The following PTPRD variants were observed in gnomAD, a reference collection of about 807,000 sequenced individuals.
PTPRD encodes protein tyrosine phosphatase receptor type D, also known as receptor-type tyrosine-protein phosphatase delta.
Under a neutral mutation model 214.5 loss-of-function variants are expected in PTPRD, and 34 were observed. The observed-to-expected ratio is 0.16, with a 90% CI of 0.12 to 0.21. The LOEUF is 0.21. Ranked by LOEUF, PTPRD falls within the 10% of genes least tolerant of loss-of-function variation. PTPRD has a pLI of 1.00. For missense variants in PTPRD, 2,545 were observed against 2,398.7 expected, an observed-to-expected ratio of 1.06 and a Z score of -1.27; for synonymous variants, 1,128 against 845.7, an observed-to-expected ratio of 1.33 and a Z score of -5.79.
chr9:9,775,568 T>G (rs929689735), intron 5 of PTPRD, among the ~76,000 whole-genome samples: 2 of 152,230 alleles, frequency 1.3e-5, no homozygotes, highest in African/African-American at 4.8e-5. Flanking sequence ...ATTCAGAGGC[T>G]AGAATTCCTA....
chr9:9,502,249 C>T (rs576611373), intron 8 of PTPRD, among the ~76,000 whole-genome samples: 1 of 151,908 alleles, frequency 6.6e-6, no homozygotes, highest in Admixed American at 6.6e-5. Context: ...AAACTTTTTA[C>T]CCTTTGACTA....
chr9:10,313,227 G>C (rs1311151319), intron 3 of PTPRD, among the ~76,000 whole-genome samples: 1 of 151,816 alleles, frequency 6.6e-6, no homozygotes, highest in Non-Finnish European at 1.5e-5. Context: ...GATAATTCCT[G>C]ATAATTACAC....
chr9:10,286,050 T>C (rs951258787), intron 3 of PTPRD, among the ~76,000 whole-genome samples: 1 of 152,130 alleles, frequency 6.6e-6, no homozygotes, highest in African/African-American at 2.4e-5. Context: ...AGGGTATATA[T>C]GTGTATGTAT....
intron 12 of PTPRD, among the ~76,000 whole-genome samples, chr9:8,708,074 G>A (rs1291299713): frequency 3.9e-5 from 6 of 152,144 alleles, no homozygotes; most frequent in Non-Finnish European, 5.9e-5. Flanking sequence ...TGCCTTCTAA[G>A]GCACCTCTGA....
At chr9:9,360,953 C>T (rs879451592) in intron 9 of PTPRD, among the ~76,000 whole-genome samples, 9 of 151,064 alleles carry the variant, frequency 6.0e-5, no homozygotes, top group South Asian at 2.1e-4. Flanking sequence ...TCTACTAAAA[C>T]GATGTAAAAA....
At chr9:9,723,100 C>A in intron 7 of PTPRD, among the ~76,000 whole-genome samples, 1 of 152,010 alleles carries the variant, frequency 6.6e-6, no homozygotes. Flanking sequence ...CTGTGTAACA[C>A]AAGGTCACAA....
intron 9 of PTPRD, among the ~76,000 whole-genome samples, chr9:9,260,615 T>C (rs2099979691): frequency 6.6e-6 from 1 of 151,876 alleles, no homozygotes; most frequent in East Asian, 2.0e-4. Flanking sequence ...GATAGGGTTG[T>C]TGAAACTGGG....
At chr9:10,595,205 T>A (rs987181153) in intron 2 of PTPRD, among the ~76,000 whole-genome samples, 1 of 151,946 alleles carries the variant, frequency 6.6e-6, no homozygotes, top group Non-Finnish European at 1.5e-5. Flanking sequence ...TCCATAGGAC[T>A]GTATTAATTA....
At chr9:9,618,166 T>C (rs1182113107) in intron 7 of PTPRD, among the ~76,000 whole-genome samples, 1 of 150,240 alleles carries the variant, frequency 6.7e-6, no homozygotes, top group Non-Finnish European at 1.5e-5. Flanking sequence ...GGGGTATTCC[T>C]TAATACATAA....
chr9:9,148,942 T>C (rs1418044780), intron 10 of PTPRD, among the ~76,000 whole-genome samples: 1 of 152,228 alleles, frequency 6.6e-6, no homozygotes, highest in Non-Finnish European at 1.5e-5. Context: ...AGGTATGGTC[T>C]TAGTAGGCTA....
intron 14 of PTPRD, among the ~76,000 whole-genome samples, chr9:8,611,125 G>A (rs990044283): frequency 6.6e-6 from 1 of 152,160 alleles, no homozygotes; most frequent in African/African-American, 2.4e-5. Context: ...TAAAATAGAT[G>A]TAATTCCTTA....
rs555694332 is a variant in PTPRD, at chr9:8,770,906, G to T, written c.-103-36960C>A. Among the ~76,000 whole-genome samples the T allele has an allele frequency of 6.6e-5, 10 of 152,250 alleles. No individual in the cohort carries two copies. In the South Asian group the frequency reaches 1.9e-3, roughly 28 times the overall value. On this transcript the variant is annotated intron_variant, in intron 11 of 45. Coordinates refer to ENST00000381196, the MANE Select transcript of PTPRD (RefSeq NM_002839.4). ...TTTGATAACAGTCTTTATGCCAGGC[G>T]TGGTGGCTCACGCCTGTAATACCTG...
chr9:8,584,427 T>C (rs528240475), intron 14 of PTPRD, among the ~76,000 whole-genome samples: 1 of 151,434 alleles, frequency 6.6e-6, no homozygotes, highest in African/African-American at 2.4e-5. Context: ...TACATATTGG[T>C]ATTGGTACTA....
chr9:9,219,730 C>G (rs1375394227), intron 9 of PTPRD, among the ~76,000 whole-genome samples: 2 of 152,168 alleles, frequency 1.3e-5, no homozygotes, highest in Non-Finnish European at 2.9e-5. Flanking sequence ...GAAACATTTT[C>G]TGTGGAGTGA....
chr9:9,194,673 G>T (rs1249509150), intron 9 of PTPRD, among the ~76,000 whole-genome samples: 7 of 152,110 alleles, frequency 4.6e-5, no homozygotes, highest in Non-Finnish European at 2.9e-5. Flanking sequence ...GTGAGGAGCT[G>T]GTCAGTATAC....
At chr9:9,478,835 G>A (rs1286786817) in intron 8 of PTPRD, among the ~76,000 whole-genome samples, 1 of 152,178 alleles carries the variant, frequency 6.6e-6, no homozygotes, top group Non-Finnish European at 1.5e-5. Context: ...CTCTGTTGGA[G>A]GTAGTTCAAG....
intron 11 of PTPRD, among the ~76,000 whole-genome samples, chr9:8,768,222 C>G (rs1389102924): frequency 6.6e-6 from 1 of 152,032 alleles, no homozygotes; most frequent in Non-Finnish European, 1.5e-5. Context: ...TAGTGAGACC[C>G]CCATCTTGAT....
At chr9:9,288,246 C>G (rs1205117525) in intron 9 of PTPRD, among the ~76,000 whole-genome samples, 1 of 151,808 alleles carries the variant, frequency 6.6e-6, no homozygotes, top group Non-Finnish European at 1.5e-5. Flanking sequence ...GATTTGTAAA[C>G]ACACTTGAAC....
chr9:9,456,855 A>G (rs778888395), intron 8 of PTPRD, among the ~76,000 whole-genome samples: 11 of 151,894 alleles, frequency 7.2e-5, no homozygotes, highest in Non-Finnish European at 8.8e-5. Flanking sequence ...CAGAATTGAG[A>G]CCTTGAGCTC....
Sources: allele counts gnomAD v4.1 joint callset (sites outside exome capture counted in the v4.1 genomes callset), GRCh38; gene constraint gnomAD v4.1.1; transcripts MANE v1.5; gene names NCBI Gene and HGNC (gene_info 2026-07-23, HGNC 2026-07-21).